CACNA1A: variants seen among roughly 807,000 people sequenced by gnomAD.
The protein encoded by CACNA1A is voltage-dependent P/Q-type calcium channel subunit alpha-1A.
CACNA1A carries 57 observed loss-of-function variants against 262.4 expected under a neutral mutation model. The observed-to-expected ratio is 0.22, with a 90% confidence interval of 0.18 to 0.27. The LOEUF is 0.27. Among genes scored for constraint, CACNA1A ranks in the 10% least tolerant of loss-of-function variants. The pLI is 1.00. For missense variants in CACNA1A, 2,526 were observed against 3,562.8 expected (o/e 0.71, Z 7.41); for synonymous variants, 1,431 against 1,419.3 (o/e 1.01, Z -0.18).
intron 3 of CACNA1A, among the ~76,000 whole-genome samples, chr19:13,416,734 G>A (rs995539558): frequency 6.6e-6 from 1 of 152,148 alleles, no homozygotes; most frequent in Non-Finnish European, 1.5e-5. Flanking sequence ...AGAATCACTT[G>A]AATCCAGGAG....
At chr19:13,443,170 G>A (rs1303333942) in intron 3 of CACNA1A, among the ~76,000 whole-genome samples, 2 of 152,026 alleles carry the variant, frequency 1.3e-5, no homozygotes, top group Non-Finnish European at 1.5e-5. Context: ...CTCCATAACT[G>A]TAAGAAATAA....
chr19:13,464,911 TTTC>T (rs2061204579), intron 1 of CACNA1A, among the ~76,000 whole-genome samples: 2 of 151,480 alleles, frequency 1.3e-5, no homozygotes, highest in African/African-American at 4.8e-5. Context: ...TTTCTTTTGG[TTTC>T]TTTTCTTTTC....
chr19:13,255,875 CCTT>C (rs1003078121), intron 28 of CACNA1A, among the ~76,000 whole-genome samples: 16 of 145,138 alleles, frequency 1.1e-4, no homozygotes, highest in Middle Eastern at 3.6e-3. Context: ...CTCTCTTCTT[CCTT>C]CTTTCCTTCG....
At chr19:13,267,789 C>T (rs2056899084) in intron 24 of CACNA1A, among the ~76,000 whole-genome samples, 1 of 150,580 alleles carries the variant, frequency 6.6e-6, no homozygotes, top group Non-Finnish European at 1.5e-5. Flanking sequence ...TCCTTCTCTC[C>T]TTTTTTTTTG....
chr19:13,317,929 C>A (rs1290140253), intron 10 of CACNA1A, among the ~76,000 whole-genome samples: 1 of 151,922 alleles, frequency 6.6e-6, no homozygotes, highest in Non-Finnish European at 1.5e-5. Context: ...GGGGAGGAGA[C>A]AGACAGTGGA....
chr19:13,337,028 G>A (rs1461161796), intron 6 of CACNA1A, among the ~76,000 whole-genome samples: 1 of 152,208 alleles, frequency 6.6e-6, no homozygotes, highest in Non-Finnish European at 1.5e-5. Context: ...TGACACTGCT[G>A]CTGCCTGGAA....
intron 10 of CACNA1A, among the ~76,000 whole-genome samples, chr19:13,322,202 GAAAAAA>G (rs368879293): frequency 4.4e-5 from 4 of 90,082 alleles, no homozygotes; most frequent in African/African-American, 1.1e-4. Context: ...ACTTGTCTCA[GAAAAAA>G]AAAAAAAAAA....
chr19:13,400,954 A>G (rs957262187), intron 3 of CACNA1A, among the ~76,000 whole-genome samples: 1 of 152,040 alleles, frequency 6.6e-6, no homozygotes, highest in Non-Finnish European at 1.5e-5. Context: ...CCTCCTGAGT[A>G]GCTGGAATTA....
At chr19:13,366,483 G>A (rs928848473) in intron 4 of CACNA1A, among the ~76,000 whole-genome samples, 1 of 152,044 alleles carries the variant, frequency 6.6e-6, no homozygotes, top group African/African-American at 2.4e-5. Context: ...ATTTTATAGA[G>A]ACAGGGTCTC....
intron 6 of CACNA1A, among the ~76,000 whole-genome samples, chr19:13,343,178 A>G (rs1450484484): frequency 1.3e-5 from 2 of 151,000 alleles, no homozygotes; most frequent in South Asian, 2.1e-4. Flanking sequence ...CTGGAGTGCA[A>G]TGGTGTGATC....
At position 13,241,396 on chromosome 19, in the gene CACNA1A, A is replaced by G. The variant is rs2056077504; in HGVS notation, c.4950+3786T>C. The G allele has an allele frequency of 1.4e-6, 1 of 711,856 alleles. No homozygotes were observed. The highest frequency in any genetic ancestry group is 2.5e-6 in the Non-Finnish European group (1 of 394,280). The allele number at this position is 711,856 out of a possible 1,614,324, so 44.1% of individuals were successfully genotyped here. A position where few individuals can be genotyped will look rare whatever the true frequency, so the allele number is the denominator to read the frequency against. The stretch of plus-strand genomic sequence containing the variant: ...AGGACAGACAGACAGAGGAGAGCGG[A>G]GGGTTGAGGAGAGCGTCAGGCATCC... On this transcript the variant is annotated intron_variant, in intron 31 of 46. Coordinates refer to ENST00000360228, the MANE Select transcript of CACNA1A (RefSeq NM_001127222.2). This position sits in a 1 kb window ranked among gnomAD's most constrained non-coding sequence, Gnocchi z 4.0.
chr19:13,415,161 A>C (rs921936537), intron 3 of CACNA1A, among the ~76,000 whole-genome samples: 1 of 151,814 alleles, frequency 6.6e-6, no homozygotes, highest in Non-Finnish European at 1.5e-5. Flanking sequence ...TCAGAGTAGG[A>C]ATCAGGGCAG....
intron 24 of CACNA1A, among the ~76,000 whole-genome samples, chr19:13,268,548 C>T (rs927206965): frequency 1.3e-5 from 2 of 151,760 alleles, no homozygotes; most frequent in Non-Finnish European, 2.9e-5. Context: ...ATTCTCCTTC[C>T]TCAGCCTCCC....
At chr19:13,429,016 A>G (rs1309093817) in intron 3 of CACNA1A, among the ~76,000 whole-genome samples, 7 of 151,982 alleles carry the variant, frequency 4.6e-5, no homozygotes, top group Admixed American at 4.6e-4. Context: ...CCACTTGCCT[A>G]TGAATCCCCC....
At chr19:13,278,049 C>G (rs1050868630) in intron 22 of CACNA1A, 1 of 149,640 alleles carries the variant, frequency 6.7e-6, no homozygotes, top group East Asian at 2.0e-4. Context: ...GATCGTGCCA[C>G]TGCACTCCAG....
intron 38 of CACNA1A, among the ~76,000 whole-genome samples, chr19:13,222,349 AATGCTGAGATTAC>A (rs957540101): frequency 6.7e-6 from 1 of 150,320 alleles, no homozygotes; most frequent in African/African-American, 2.5e-5. Context: ...GCCTCAACAA[AATGCTGAGATTAC>A]AGGTGTGAGC....
At chr19:13,245,423 C>T in intron 30 of CACNA1A, 158 bp from the exon 31 acceptor site, 1 of 645,662 alleles carries the variant, frequency 1.5e-6, no homozygotes. Flanking sequence ...TGTTCGACAT[C>T]ATCTGTGCTG....
chr19:13,382,718 G>A (rs1298838892), intron 3 of CACNA1A, among the ~76,000 whole-genome samples: 1 of 152,164 alleles, frequency 6.6e-6, no homozygotes, highest in Non-Finnish European at 1.5e-5. Context: ...GGAGGGAGCC[G>A]CAAGAGCAGG....
rs375106911 is a variant in CACNA1A, at chr19:13,267,483, C to A, written c.3990-4650G>T. Among the ~76,000 whole-genome samples, 6 of 152,262 alleles carry A rather than the reference C, an allele frequency of 3.9e-5. No homozygotes were observed. In the East Asian group the frequency reaches 1.2e-3, roughly 30 times the overall value. On this transcript the variant is annotated intron_variant, in intron 24 of 46. Transcript: ENST00000360228. Reference sequence around the variant, plus strand: ...GGACAGCTGCAAAGCTGTCAGTTACCAAAGGTGAATTCACCACGGAAAGTC... The same window carrying A: ...GGACAGCTGCAAAGCTGTCAGTTACAAAAGGTGAATTCACCACGGAAAGTC...
Sources: allele counts gnomAD v4.1 joint callset (sites outside exome capture counted in the v4.1 genomes callset), GRCh38; gene constraint gnomAD v4.1.1; non-coding constraint Gnocchi (gnomAD v3.1); transcripts MANE v1.5; gene names NCBI Gene and HGNC (gene_info 2026-07-23, HGNC 2026-07-21).